PRELID2: variants seen among roughly 807,000 people sequenced by gnomAD.
The protein encoded by PRELID2 is PRELI domain containing 2, also known as PRELI domain-containing protein 2.
A neutral mutation model predicts 28.4 loss-of-function variants in PRELID2; 25 were observed. That is an observed-to-expected ratio of 0.88 (90% confidence interval 0.64 to 1.23). The LOEUF is 1.23. Among genes scored for constraint, PRELID2 ranks in the 50% most tolerant of loss-of-function variants. The pLI is 0.00. For synonymous variants in PRELID2, 76 were observed against 71.6 expected, an observed-to-expected ratio of 1.06 and a Z score of -0.31; for missense variants, 201 against 214.4, an observed-to-expected ratio of 0.94 and a Z score of 0.39.
At chr5:145,366,675 T>C in the PRELID2 span, among the ~76,000 whole-genome samples, 2 of 152,018 alleles carry the variant, frequency 1.3e-5, no homozygotes, top group African/African-American at 4.8e-5. Context: ...TCTGTTGAAA[T>C]TGTCTGTGTT....
chr5:145,345,666 C>T, the PRELID2 span, among the ~76,000 whole-genome samples: 4 of 152,026 alleles, frequency 2.6e-5, no homozygotes, highest in African/African-American at 9.7e-5. Flanking sequence ...ACTGCAATAT[C>T]TACAAGTGAA....
intron 1 of PRELID2, among the ~76,000 whole-genome samples, chr5:145,701,353 G>A (rs1267742872): frequency 6.6e-6 from 1 of 152,104 alleles, no homozygotes; most frequent in Non-Finnish European, 1.5e-5. Context: ...TGGCATAGTT[G>A]ATAAGAGAGA....
At chr5:145,398,814 G>T in the PRELID2 span, among the ~76,000 whole-genome samples, 1 of 152,114 alleles carries the variant, frequency 6.6e-6, no homozygotes, top group Non-Finnish European at 1.5e-5. Flanking sequence ...GGAGAAGAAT[G>T]CGTGAGAGGA....
the PRELID2 span, among the ~76,000 whole-genome samples, chr5:145,394,303 A>G: frequency 6.6e-6 from 1 of 152,034 alleles, no homozygotes; most frequent in Non-Finnish European, 1.5e-5. Context: ...GAAACTGGAA[A>G]CCATCATTCT....
chr5:145,765,942 C>T (rs1757724758), intron 5 of PRELID2, among the ~76,000 whole-genome samples: 1 of 152,130 alleles, frequency 6.6e-6, no homozygotes, highest in Non-Finnish European at 1.5e-5. Context: ...GCACAGGCAC[C>T]CTCTTCCTTT....
chr5:145,391,619 T>G, the PRELID2 span, among the ~76,000 whole-genome samples: 1 of 152,180 alleles, frequency 6.6e-6, no homozygotes, highest in Non-Finnish European at 1.5e-5. Context: ...GTGATTAACA[T>G]TCAACTCCTC....
At chr5:145,320,355 C>T in the PRELID2 span, among the ~76,000 whole-genome samples, 2 of 151,808 alleles carry the variant, frequency 1.3e-5, no homozygotes, top group Non-Finnish European at 2.9e-5. Context: ...ACTGCAAGCT[C>T]CGCCTCACCG....
At chr5:145,752,709 T>C (rs76592325), downstream of PRELID2, among the ~76,000 whole-genome samples, 3,120 of 152,302 alleles carry the variant, frequency 0.02, 91 homozygotes, top group East Asian at 0.077. Context: ...TCACCCCACA[T>C]CCTGTCGCCA....
the PRELID2 span, among the ~76,000 whole-genome samples, chr5:145,316,483 C>G: frequency 6.6e-6 from 1 of 152,148 alleles, no homozygotes; most frequent in African/African-American, 2.4e-5. Context: ...AGTCATACAC[C>G]ACGCAGCTAA....
rs367790642 is a variant in PRELID2 at position 145,540,528 on chromosome 5, C to T, written n.71-67213G>A. On this transcript the variant is annotated intron_variant and non_coding_transcript_variant, in intron 1 of 2. Coordinates refer to the PRELID2 transcript ENST00000510259. ...CTTACCATGGGACAACAGAATGTGG[C>T]ACCTAGGAAGTACGAGTAACCAAAA... is the stretch of plus-strand genomic sequence containing the variant. Among the ~76,000 whole-genome samples, 28 of 151,854 alleles carry T rather than the reference C, an allele frequency of 1.8e-4. No individual in the cohort carries two copies. In the East Asian group the frequency reaches 2.1e-3, roughly 12 times the overall value.
the PRELID2 span, among the ~76,000 whole-genome samples, chr5:145,242,139 C>CA: frequency 2.6e-5 from 4 of 151,712 alleles, no homozygotes; most frequent in Non-Finnish European, 4.4e-5. Context: ...AGAAGGATAC[C>CA]AAAAATGATT....
At chr5:145,529,418 A>T (rs554602181) in intron 1 of PRELID2, among the ~76,000 whole-genome samples, 112 of 152,204 alleles carry the variant, frequency 7.4e-4, no homozygotes, top group African/African-American at 2.5e-3. Flanking sequence ...TCAGACCAGG[A>T]TTTTTCAATG....
chr5:145,697,917 T>A (rs1236255420), intron 1 of PRELID2, among the ~76,000 whole-genome samples: 1 of 152,062 alleles, frequency 6.6e-6, no homozygotes, highest in Non-Finnish European at 1.5e-5. Flanking sequence ...CAAAATAAAA[T>A]CACTAAAAAT....
chr5:145,827,218 G>C (rs1229941471), intron 1 of PRELID2, among the ~76,000 whole-genome samples: 2 of 152,092 alleles, frequency 1.3e-5, no homozygotes, highest in Non-Finnish European at 2.9e-5. Flanking sequence ...AAAGAGATTT[G>C]GTGTTTAGCA....
the PRELID2 span, among the ~76,000 whole-genome samples, chr5:145,320,296 A>C: frequency 6.7e-6 from 1 of 149,638 alleles, no homozygotes; most frequent in South Asian, 2.1e-4. Context: ...TTTGAGACGG[A>C]GTCTCGCTCT....
At chr5:145,356,532 C>CT in the PRELID2 span, among the ~76,000 whole-genome samples, 268 of 144,428 alleles carry the variant, frequency 1.9e-3, 2 homozygotes, top group Middle Eastern at 0.01. Context: ...ATACCTTTGT[C>CT]TTTTTTTTTT....
the PRELID2 span, among the ~76,000 whole-genome samples, chr5:145,374,662 G>C: frequency 6.6e-6 from 1 of 151,942 alleles, no homozygotes; most frequent in Non-Finnish European, 1.5e-5. Context: ...CATATTTCTT[G>C]GAGGCTTTGT....
intron 4 of PRELID2, among the ~76,000 whole-genome samples, chr5:145,800,403 C>T (rs1753058064): frequency 6.6e-6 from 1 of 151,814 alleles, no homozygotes; most frequent in Non-Finnish European, 1.5e-5. Flanking sequence ...AGATTTAAGC[C>T]TATTTAAAAT....
intron 1 of PRELID2, among the ~76,000 whole-genome samples, chr5:145,732,082 C>T (rs963466539): frequency 3.9e-5 from 6 of 152,058 alleles, no homozygotes; most frequent in African/African-American, 9.7e-5. Context: ...AATAGGTGCT[C>T]GAAATCTGAA....
Sources: allele counts gnomAD v4.1 joint callset (sites outside exome capture counted in the v4.1 genomes callset), GRCh38; gene constraint gnomAD v4.1.1; transcripts MANE v1.5; gene names NCBI Gene and HGNC (gene_info 2026-07-23, HGNC 2026-07-21).